The following FKBP5 variants were observed in gnomAD, a reference collection of about 807,000 sequenced individuals.
FKBP5 encodes the protein peptidyl-prolyl cis-trans isomerase FKBP5.
FKBP5 carries 23 observed loss-of-function variants against 50.5 expected under a neutral mutation model. The observed-to-expected ratio is 0.46, with a 90% confidence interval of 0.33 to 0.65. The LOEUF is 0.65. Among genes scored for constraint, FKBP5 ranks in the 30% least tolerant of loss-of-function variants. FKBP5 has a pLI of 0.02. For synonymous variants in FKBP5, 176 were observed against 190.6 expected, an observed-to-expected ratio of 0.92 and a Z score of 0.63; for missense variants, 411 against 553.1, an observed-to-expected ratio of 0.74 and a Z score of 2.58.
At chr6:35,680,649 C>A (rs1309292773) in intron 1 of FKBP5, among the ~76,000 whole-genome samples, 1 of 152,082 alleles carries the variant, frequency 6.6e-6, no homozygotes, top group African/African-American at 2.4e-5. Context: ...ACAGATTTAC[C>A]ACTTACCAAT....
At chr6:35,598,987 A>AAAAT (rs957243849) in intron 5 of FKBP5, among the ~76,000 whole-genome samples, 1 of 152,076 alleles carries the variant, frequency 6.6e-6, no homozygotes, top group Non-Finnish European at 1.5e-5. Context: ...AATAAATAAA[A>AAAAT]AAATAAATAA....
At chr6:35,592,466 G>T (rs1211361250) in intron 6 of FKBP5, among the ~76,000 whole-genome samples, 1 of 148,740 alleles carries the variant, frequency 6.7e-6, no homozygotes, top group South Asian at 2.1e-4. Flanking sequence ...CTTCCACAAA[G>T]ACATAATTAC....
intron 1 of FKBP5, among the ~76,000 whole-genome samples, chr6:35,666,509 G>C (rs1017485884): frequency 6.8e-6 from 1 of 147,994 alleles, no homozygotes; most frequent in Non-Finnish European, 1.5e-5. Context: ...AGTTACAAAC[G>C]AATTGATATG....
intron 5 of FKBP5, among the ~76,000 whole-genome samples, chr6:35,604,090 C>G (rs1216960926): frequency 6.6e-6 from 1 of 151,408 alleles, no homozygotes; most frequent in African/African-American, 2.4e-5. Flanking sequence ...TCACTGCAGC[C>G]TCACACTCCT....
chr6:35,637,457 C>CTTT (rs71002581), intron 2 of FKBP5, among the ~76,000 whole-genome samples: 80 of 73,276 alleles, frequency 1.1e-3, no homozygotes, highest in Admixed American at 1.4e-3. Flanking sequence ...ACAGTAAACT[C>CTTT]TTTTTTTTTT....
intron 5 of FKBP5, among the ~76,000 whole-genome samples, chr6:35,601,088 A>G (rs1763132220): frequency 6.6e-6 from 1 of 152,240 alleles, no homozygotes; most frequent in African/African-American, 2.4e-5. Flanking sequence ...TGATGCTGTA[A>G]TAGGACAGTA....
intron 5 of FKBP5, among the ~76,000 whole-genome samples, chr6:35,611,040 G>A (rs747479438): frequency 1.4e-4 from 22 of 152,164 alleles, no homozygotes; most frequent in African/African-American, 5.1e-4. Flanking sequence ...AGATGACCAT[G>A]AGCTTGGAGT....
rs1302200931 is a variant in FKBP5 at position 35,677,096 on chromosome 6, C to T, written c.-20+11708G>A. ...TTTGTTGTGTTGTTTTGTTTTAAGA[C>T]GTGGTCTCCCTCTGTCGCCCAGGCT... On this transcript the variant is annotated intron_variant, in intron 1 of 10. Transcript: ENST00000357266. Among the ~76,000 whole-genome samples the T allele has an allele frequency of 2.0e-5, 3 of 152,168 alleles. No homozygotes were observed. In the East Asian group the frequency reaches 5.8e-4, roughly 29 times the overall value.
chr6:35,614,639 G>T (rs1298836724), intron 5 of FKBP5, among the ~76,000 whole-genome samples: 3 of 152,166 alleles, frequency 2.0e-5, no homozygotes, highest in African/African-American at 7.2e-5. Context: ...TGTCACAGGG[G>T]TCTAGGTTAG....
chr6:35,580,000 T>TATC, intron 9 of FKBP5, 36 bp downstream of exon 9: 2 of 1,469,034 alleles, frequency 1.4e-6, no homozygotes, highest in South Asian at 1.3e-5. Flanking sequence ...AGATCTGGAG[T>TATC]ATCTAAAGTC....
At chr6:35,603,571 A>C (rs1763211076) in intron 5 of FKBP5, among the ~76,000 whole-genome samples, 1 of 152,210 alleles carries the variant, frequency 6.6e-6, no homozygotes, top group Non-Finnish European at 1.5e-5. Flanking sequence ...AAGCTATACA[A>C]ATTTTATATT....
In FKBP5 at chr6:35,619,208, A is replaced by G. The variant is rs750934798; in HGVS notation, c.396T>C (p.Ile132=). The G allele has an allele frequency of 1.2e-6, 2 of 1,608,556 alleles. No homozygotes were observed. Among genetic ancestry groups the G allele is most frequent in the South Asian group, 2.2e-5 (2 of 90,936 alleles). The stretch of plus-strand genomic sequence containing the variant: ...CCTCTCCTTTGAAATCAAGGAGCTC[A>G]ATCTAGAAAGAAAAAAGGAATTCAG... ...IPSNATLFFE[I]ELLDFKGEDL... The change falls in exon 5 of 11, where the codon ATT becomes ATC. Residue 132 remains isoleucine, a splice_region_variant and synonymous_variant. Coordinates refer to ENST00000357266, the MANE Select transcript of FKBP5 (RefSeq NM_004117.4).
At chr6:35,655,783 G>A (rs759328696) in intron 1 of FKBP5, among the ~76,000 whole-genome samples, 5 of 152,168 alleles carry the variant, frequency 3.3e-5, no homozygotes, top group Admixed American at 6.5e-5. Context: ...GTACCTGAGC[G>A]TTTAACTATA....
At chr6:35,636,985 A>C (rs1424772707) in intron 3 of FKBP5, 29 bp downstream of exon 3, 1 of 1,567,456 alleles carries the variant, frequency 6.4e-7, no homozygotes, top group Non-Finnish European at 8.6e-7. Context: ...AAGCTAAGTA[A>C]AACACAACTC....
intron 9 of FKBP5, among the ~76,000 whole-genome samples, chr6:35,579,823 A>G (rs1486931879): frequency 6.6e-6 from 1 of 152,266 alleles, no homozygotes; most frequent in African/African-American, 2.4e-5. Context: ...GCATTATGAT[A>G]AACAGTCTAG....
chr6:35,666,844 C>T lies in FKBP5; in HGVS notation c.-20+21960G>A, dbSNP rs147722233. On this transcript the variant is annotated intron_variant, in intron 1 of 10. Coordinates refer to ENST00000357266, the MANE Select transcript of FKBP5 (RefSeq NM_004117.4). The stretch of plus-strand genomic sequence containing the variant: ...GTTGCAGTAAGCCGAGATTGCACCA[C>T]TGCACTCCAGCCTGGGCGACAGAGC... Among the ~76,000 whole-genome samples, 1,299 of 152,224 alleles carry T rather than the reference C, an allele frequency of 8.5e-3. 80 individuals are homozygous for T. The East Asian group carries it at 0.17, about 19-fold the overall frequency.
chr6:35,682,792 C>T (rs2151011025), intron 1 of FKBP5, among the ~76,000 whole-genome samples: 1 of 151,642 alleles, frequency 6.6e-6, no homozygotes, highest in East Asian at 1.9e-4. Flanking sequence ...CCTGGGATCC[C>T]AGCACTTTGG....
chr6:35,677,113 G>A (rs746144096), intron 1 of FKBP5, among the ~76,000 whole-genome samples: 54 of 152,082 alleles, frequency 3.6e-4, no homozygotes, highest in Non-Finnish European at 7.6e-4. Context: ...TCCCTCTGTC[G>A]CCCAGGCTGG....
At chr6:35,664,425 A>T (rs555993631) in intron 1 of FKBP5, among the ~76,000 whole-genome samples, 1 of 152,310 alleles carries the variant, frequency 6.6e-6, no homozygotes, top group Non-Finnish European at 1.5e-5. Flanking sequence ...AAAACTCAAC[A>T]TCTTTAAAAT....
Sources: allele counts gnomAD v4.1 joint callset (sites outside exome capture counted in the v4.1 genomes callset), GRCh38; gene constraint gnomAD v4.1.1; transcripts MANE v1.5; gene names NCBI Gene and HGNC (gene_info 2026-07-23, HGNC 2026-07-21).